Variants in SUGCT observed in about 807,000 individuals in gnomAD.
SUGCT encodes succinyl-CoA:glutarate-CoA transferase.
SUGCT carries 41 observed loss-of-function variants against 55.0 expected under a neutral mutation model. That is an observed-to-expected ratio of 0.74 (90% CI 0.58 to 0.97). The LOEUF (loss-of-function observed/expected upper bound fraction) is 0.97, where lower values mean the gene tolerates loss of function less well. SUGCT is among the 50% of genes least tolerant of loss of function. The probability of loss-of-function intolerance (pLI) is 0.00; values close to 1 mark genes in which losing one functional copy is unlikely to be tolerated. For synonymous variants in SUGCT, 187 were observed against 200.4 expected, an observed-to-expected ratio of 0.93 and a Z score of 0.56; for missense variants, 568 against 547.8, an observed-to-expected ratio of 1.04 and a Z score of -0.37.
chr7:40,513,251 CTTCTGGTAAACTCAAA>C (rs1793040943), intron 12 of SUGCT, among the ~76,000 whole-genome samples: 1 of 152,122 alleles, frequency 6.6e-6, no homozygotes, highest in Non-Finnish European at 1.5e-5. Context: ...TGGGCCTCAG[CTTCTGGTAAACTCAAA>C]TTCTGATAAT....
the SUGCT span, among the ~76,000 whole-genome samples, chr7:40,974,395 C>A: frequency 4.6e-5 from 7 of 152,262 alleles, no homozygotes; most frequent in Admixed American, 4.6e-4. Flanking sequence ...TCTGATAGGG[C>A]TGATGCCCTT....
At position 40,303,769 on chromosome 7, in the gene SUGCT, C is replaced by T. The variant is rs925159255; in HGVS notation, c.721-12991C>T. 9.9e-5 allele frequency among the ~76,000 whole-genome samples: 15 copies of T among 152,198 alleles called. 1 individual carries two copies. Among genetic ancestry groups the T allele is most frequent in the East Asian group, 5.8e-4 (3 of 5,196 alleles). ...CATGCATTATATTCCATACTTCCATCGTTTTGTGCCACCTCTCTCCCCGTT... is the reference window on the plus strand; with the variant it reads ...CATGCATTATATTCCATACTTCCATTGTTTTGTGCCACCTCTCTCCCCGTT... On this transcript the variant is annotated intron_variant, in intron 8 of 13. Coordinates refer to ENST00000335693, the MANE Select transcript of SUGCT (RefSeq NM_001193313.2).
chr7:40,204,320 T>TG (rs1490714426), intron 6 of SUGCT, among the ~76,000 whole-genome samples: 2 of 150,208 alleles, frequency 1.3e-5, no homozygotes, highest in African/African-American at 2.5e-5. Context: ...TTTTTTTTTT[T>TG]GATACGGAGT....
chr7:40,322,057 A>G (rs1039856097), intron 9 of SUGCT, among the ~76,000 whole-genome samples: 2 of 152,224 alleles, frequency 1.3e-5, no homozygotes, highest in Admixed American at 6.5e-5. Context: ...CCAACAGGCT[A>G]TAAGCATTCT....
At chr7:40,884,406 C>A in the SUGCT span, among the ~76,000 whole-genome samples, 1 of 152,142 alleles carries the variant, frequency 6.6e-6, no homozygotes, top group East Asian at 1.9e-4. Flanking sequence ...GGTTTTGGAT[C>A]CCTGGAGAGA....
chr7:40,444,355 G>A (rs1788692452), intron 9 of SUGCT, among the ~76,000 whole-genome samples: 4 of 152,148 alleles, frequency 2.6e-5, no homozygotes, highest in South Asian at 4.1e-4. Flanking sequence ...CTATCCATGA[G>A]CGTGGAATGT....
chr7:40,654,163 G>C (rs995011308), intron 12 of SUGCT, among the ~76,000 whole-genome samples: 1 of 152,120 alleles, frequency 6.6e-6, no homozygotes, highest in Non-Finnish European at 1.5e-5. Context: ...TAAGATGCTA[G>C]TTACTTTAGC....
chr7:40,783,675 G>T (rs1674957072), intron 13 of SUGCT: 1 of 152,086 alleles, frequency 6.6e-6, no homozygotes, highest in South Asian at 2.1e-4. Context: ...AAATTCTGAA[G>T]ATCCCTATGT....
chr7:40,900,809 A>C, the SUGCT span, among the ~76,000 whole-genome samples: 4 of 152,262 alleles, frequency 2.6e-5, no homozygotes, highest in Admixed American at 2.0e-4. Context: ...ACCTTGGAAG[A>C]AGAATGGCAC....
At chr7:40,224,407 T>A (rs1584387986) in intron 6 of SUGCT, among the ~76,000 whole-genome samples, 1 of 143,326 alleles carries the variant, frequency 7.0e-6, no homozygotes, top group African/African-American at 3.0e-5. Flanking sequence ...TGCGTGTGTG[T>A]GTGTGTGTGT....
intron 7 of SUGCT, among the ~76,000 whole-genome samples, chr7:40,238,613 C>T (rs1339707725): frequency 6.6e-6 from 1 of 151,730 alleles, no homozygotes; most frequent in Non-Finnish European, 1.5e-5. Context: ...ACAGAGTGAC[C>T]TCAAGTCTTT....
chr7:40,270,155 A>AG (rs1196068201), intron 7 of SUGCT, among the ~76,000 whole-genome samples: 1 of 151,124 alleles, frequency 6.6e-6, no homozygotes, highest in African/African-American at 2.4e-5. Flanking sequence ...AAAAAAAAAA[A>AG]GAAATTCTGT....
At chr7:40,858,530 A>C (rs1358124276) in intron 13 of SUGCT, among the ~76,000 whole-genome samples, 1 of 151,994 alleles carries the variant, frequency 6.6e-6, no homozygotes, top group African/African-American at 2.4e-5. Flanking sequence ...TTCAGGAGGC[A>C]TATATTGCTT....
chr7:40,942,932 T>C, the SUGCT span, among the ~76,000 whole-genome samples: 2 of 152,132 alleles, frequency 1.3e-5, no homozygotes, highest in Non-Finnish European at 2.9e-5. Flanking sequence ...AAAAAATATC[T>C]GTCTCTTTAG....
Position 40,358,218 on chromosome 7 carries a change from G to T in SUGCT, c.816+41363G>T, listed in dbSNP as rs1207905051. Among the ~76,000 whole-genome samples, 3 of 152,124 alleles carry T rather than the reference G, an allele frequency of 2.0e-5. No individual in the cohort carries two copies. The East Asian group carries it at 5.8e-4, about 29-fold the overall frequency. ...TAAAAATAAATTGTTTAATCTGAGA[G>T]AATTCAAAAATAGGGAGAGGTTATA... On this transcript the variant is annotated intron_variant, in intron 9 of 13. Coordinates refer to ENST00000335693, the MANE Select transcript of SUGCT (RefSeq NM_001193313.2).
At chr7:40,778,823 G>T (rs1789588208) in intron 13 of SUGCT, among the ~76,000 whole-genome samples, 1 of 152,326 alleles carries the variant, frequency 6.6e-6, no homozygotes, top group East Asian at 1.9e-4. Context: ...AGATGAAGCT[G>T]AGAGTCTTTT....
At chr7:40,416,206 T>G (rs2151357636) in intron 9 of SUGCT, among the ~76,000 whole-genome samples, 1 of 152,000 alleles carries the variant, frequency 6.6e-6, no homozygotes, top group South Asian at 2.1e-4. Flanking sequence ...AATTTTCTGT[T>G]TTAATTTCTT....
chr7:40,657,270 A>G (rs1339693681), intron 12 of SUGCT, among the ~76,000 whole-genome samples: 6 of 152,126 alleles, frequency 3.9e-5, no homozygotes, highest in Admixed American at 2.6e-4. Context: ...TTGGTGAGTA[A>G]GAAAGGAATA....
At chr7:40,376,075 T>G (rs1327646597) in intron 9 of SUGCT, among the ~76,000 whole-genome samples, 1 of 152,228 alleles carries the variant, frequency 6.6e-6, no homozygotes, top group Non-Finnish European at 1.5e-5. Flanking sequence ...TCATGAAAAT[T>G]TCATAATGCT....
Sources: gnomAD v4.1 joint callset for allele counts (sites outside exome capture counted in the v4.1 genomes callset) on GRCh38, gnomAD v4.1.1 for gene constraint, MANE v1.5 for transcripts, NCBI Gene and HGNC (gene_info 2026-07-23, HGNC 2026-07-21) for gene names.